The following HDAC4 variants were observed in gnomAD, a reference collection of about 807,000 sequenced individuals.
HDAC4 encodes histone deacetylase 4, also known as histone deacetylase A.
In HDAC4, 16 loss-of-function variants were observed where a neutral mutation model predicts 135.1. The ratio of observed to expected loss-of-function variants is 0.12; its 90% CI spans 0.08 to 0.18. HDAC4 has a LOEUF of 0.18. Ranked by LOEUF, HDAC4 falls within the 10% of genes least tolerant of loss-of-function variation. The pLI is 1.00. For missense variants in HDAC4, 1,143 were observed against 1,511.8 expected, an observed-to-expected ratio of 0.76 and a Z score of 4.05; for synonymous variants, 685 against 653.4, an observed-to-expected ratio of 1.05 and a Z score of -0.74.
intron 3 of HDAC4, among the ~76,000 whole-genome samples, chr2:239,200,008 G>A (rs1559217086): frequency 6.6e-6 from 1 of 152,172 alleles, no homozygotes; most frequent in Admixed American, 6.5e-5. Flanking sequence ...AAAGTGCTGG[G>A]ATTACAGGCG....
chr2:239,312,439 C>CACGT (rs955442435), intron 2 of HDAC4, among the ~76,000 whole-genome samples: 8 of 152,156 alleles, frequency 5.3e-5, no homozygotes, highest in Admixed American at 5.2e-4. Context: ...GGCACGCACG[C>CACGT]ACGTAGTTCC....
At chr2:239,064,939 G>A (rs544248588) in intron 24 of HDAC4, among the ~76,000 whole-genome samples, 10 of 152,342 alleles carry the variant, frequency 6.6e-5, no homozygotes, top group African/African-American at 2.2e-4. Context: ...GCATTTTCCA[G>A]AACAATGCGA....
intron 2 of HDAC4, among the ~76,000 whole-genome samples, chr2:239,330,205 C>T (rs575318187): frequency 6.6e-6 from 1 of 152,376 alleles, no homozygotes; most frequent in East Asian, 1.9e-4. Flanking sequence ...ACAGGAGAGC[C>T]AGAGGGACAC....
At chr2:239,158,542 C>A (rs2042566595) in intron 6 of HDAC4, among the ~76,000 whole-genome samples, 1 of 152,108 alleles carries the variant, frequency 6.6e-6, no homozygotes, top group Non-Finnish European at 1.5e-5. Context: ...TCCCCACTTT[C>A]CTGTCAAACC....
intron 11 of HDAC4, among the ~76,000 whole-genome samples, chr2:239,132,660 G>A (rs2040675003): frequency 6.6e-6 from 1 of 152,210 alleles, no homozygotes; most frequent in South Asian, 2.1e-4. Flanking sequence ...TCTCAGAGAG[G>A]TGAGACCCAT....
intron 2 of HDAC4, among the ~76,000 whole-genome samples, chr2:239,259,108 T>C (rs1199730558): frequency 6.6e-6 from 1 of 152,194 alleles, no homozygotes; most frequent in Non-Finnish European, 1.5e-5. Context: ...TTGAATATAA[T>C]GCAACTAAAG....
chr2:239,377,440 G>A (rs908176059), intron 1 of HDAC4, among the ~76,000 whole-genome samples: 2 of 152,220 alleles, frequency 1.3e-5, no homozygotes, highest in African/African-American at 4.8e-5. Context: ...CTGCCCCGAC[G>A]CCTGCATCCT....
chr2:239,371,105 A>T (rs553896940), intron 1 of HDAC4, among the ~76,000 whole-genome samples: 1 of 152,340 alleles, frequency 6.6e-6, no homozygotes, highest in African/African-American at 2.4e-5. Context: ...CCCAGGACAG[A>T]GTCCACCTTT....
chr2:239,326,962 G>A (rs1239201904), intron 2 of HDAC4, among the ~76,000 whole-genome samples: 1 of 152,216 alleles, frequency 6.6e-6, no homozygotes, highest in East Asian at 1.9e-4. Context: ...CCAGGGGTAC[G>A]ACCTTCCCAG....
At chr2:239,378,678 G>C (rs74003971) in intron 1 of HDAC4, among the ~76,000 whole-genome samples, 1,741 of 127,802 alleles carry the variant, frequency 0.014, 32 homozygotes, top group Admixed American at 0.06. Context: ...CAATGACCCC[G>C]GGAACCAATG....
chr2:239,174,301 T>C (rs761052920), intron 5 of HDAC4, among the ~76,000 whole-genome samples: 41 of 152,036 alleles, frequency 2.7e-4, no homozygotes, highest in Non-Finnish European at 5.1e-4. Context: ...TTCCATAATA[T>C]ATAAAGAACA....
At chr2:239,161,912 C>T (rs998674446) in intron 6 of HDAC4, 2 of 366,294 alleles carry the variant, frequency 5.5e-6, no homozygotes, top group South Asian at 4.1e-5. Flanking sequence ...CCGTGGCCTC[C>T]TTGACTGCAG....
chr2:239,145,611 C>T (rs557545317), intron 7 of HDAC4, among the ~76,000 whole-genome samples: 63 of 152,344 alleles, frequency 4.1e-4, no homozygotes, highest in South Asian at 6.2e-4. Context: ...CCAAGAATAC[C>T]GCCACGGAGA....
chr2:239,344,352 T>C (rs1692484189), intron 2 of HDAC4, among the ~76,000 whole-genome samples: 1 of 152,200 alleles, frequency 6.6e-6, no homozygotes, highest in African/African-American at 2.4e-5. Flanking sequence ...CTCAGAAATT[T>C]GCATTTCTAC....
At chr2:239,283,279 A>T (rs2050925833) in intron 2 of HDAC4, among the ~76,000 whole-genome samples, 1 of 152,168 alleles carries the variant, frequency 6.6e-6, no homozygotes, top group African/African-American at 2.4e-5. Context: ...GGCTTAAGCT[A>T]AAAAAACTCT....
chr2:239,074,833 A>G (rs932051091), intron 22 of HDAC4, among the ~76,000 whole-genome samples: 1 of 152,226 alleles, frequency 6.6e-6, no homozygotes, highest in Non-Finnish European at 1.5e-5. Context: ...CGACTTTCCT[A>G]CAAGAGGAAG....
chr2:239,074,946 G>A (rs1179933019), intron 22 of HDAC4, among the ~76,000 whole-genome samples: 3 of 152,022 alleles, frequency 2.0e-5, no homozygotes, highest in African/African-American at 2.4e-5. Flanking sequence ...AGTCTCGGCC[G>A]GGCACGGTGG....
chr2:239,239,355 C>T (rs1300837811), intron 2 of HDAC4, among the ~76,000 whole-genome samples: 2 of 152,186 alleles, frequency 1.3e-5, no homozygotes, highest in Non-Finnish European at 2.9e-5. Flanking sequence ...AACATGAAGG[C>T]AGGGTCTGGA....
In HDAC4 at chr2:239,163,844, A is replaced by G. The variant is rs1161676639; in HGVS notation, c.570T>C (p.Asn190=). Reference sequence around the variant, plus strand: ...GGTCGCTGGAAATGCAGTGGTTCAGATTCCGGTGGGCCAGCGCCTTCTTTT... The same window carrying G: ...GGTCGCTGGAAATGCAGTGGTTCAGGTTCCGGTGGGCCAGCGCCTTCTTTT... ...LNKKKALAHR[N]LNHCISSDPR... Residue 190 remains asparagine (N), a synonymous_variant, in exon 6 of 27, where the codon AAT becomes AAC. Coordinates refer to ENST00000543185, the MANE Select transcript of HDAC4 (RefSeq NM_001378414.1). The G allele has an allele frequency of 1.9e-6, 3 of 1,614,176 alleles. No homozygotes were observed. Among genetic ancestry groups the G allele is most frequent in the Non-Finnish European group, 2.5e-6 (3 of 1,180,040 alleles).
Sources: gnomAD v4.1 joint callset for allele counts (sites outside exome capture counted in the v4.1 genomes callset) on GRCh38, gnomAD v4.1.1 for gene constraint, MANE v1.5 for transcripts, NCBI Gene and HGNC (gene_info 2026-07-23, HGNC 2026-07-21) for gene names.